Variants in ATRNL1 observed in about 807,000 individuals in gnomAD.
The protein encoded by ATRNL1 is attractin like 1.
A neutral mutation model predicts 182.7 loss-of-function variants in ATRNL1; 95 were observed. That is an observed-to-expected ratio of 0.52 (90% CI 0.44 to 0.62). The LOEUF (loss-of-function observed/expected upper bound fraction) is 0.62. ATRNL1 is among the 20% of genes least tolerant of loss of function. The pLI is 0.00. For synonymous variants in ATRNL1, 576 were observed against 568.3 expected (o/e 1.01, Z -0.19); for missense variants, 1,471 against 1,679.5 (o/e 0.88, Z 2.17).
chr10:115,396,338 C>A (rs1236068534), intron 20 of ATRNL1, among the ~76,000 whole-genome samples: 4 of 151,904 alleles, frequency 2.6e-5, no homozygotes, highest in Non-Finnish European at 5.9e-5. Context: ...TACTTTGCAA[C>A]ACTAAAGCTT....
At chr10:115,762,289 C>G (rs11197438) in intron 27 of ATRNL1, among the ~76,000 whole-genome samples, 69,897 of 151,884 alleles carry the variant, frequency 0.46, 17,740 homozygotes, top group East Asian at 0.68. Flanking sequence ...GCTCAGACTG[C>G]ACTGATGACT....
At chr10:115,265,402 C>T in intron 11 of ATRNL1, 125 bp downstream of exon 11, 1 of 554,996 alleles carries the variant, frequency 1.8e-6, no homozygotes, top group Middle Eastern at 3.5e-4. Flanking sequence ...TGCATCTCTT[C>T]TCTACCATAG....
At chr10:115,830,765 A>G (rs1555093384) in intron 27 of ATRNL1, among the ~76,000 whole-genome samples, 1 of 152,150 alleles carries the variant, frequency 6.6e-6, no homozygotes. Flanking sequence ...GGGAACCTCA[A>G]CCAAAGCTCA....
intron 8 of ATRNL1, among the ~76,000 whole-genome samples, chr10:115,203,821 T>C (rs1848696881): frequency 6.8e-6 from 1 of 146,738 alleles, no homozygotes. Context: ...GCTCTTGAAC[T>C]CCTGGCCCCA....
intron 27 of ATRNL1, among the ~76,000 whole-genome samples, chr10:115,759,695 A>G (rs1306663206): frequency 6.7e-6 from 1 of 149,910 alleles, no homozygotes; most frequent in Non-Finnish European, 1.5e-5. Context: ...TTTTTTTTTA[A>G]GATGGAATCT....
At chr10:115,537,122 A>T (rs1288012685) in intron 25 of ATRNL1, among the ~76,000 whole-genome samples, 1 of 152,224 alleles carries the variant, frequency 6.6e-6, no homozygotes, top group Non-Finnish European at 1.5e-5. Flanking sequence ...AATACAGTAG[A>T]TACTTAGGAC....
intron 26 of ATRNL1, among the ~76,000 whole-genome samples, chr10:115,700,219 G>C (rs1946689139): frequency 6.6e-6 from 1 of 151,740 alleles, no homozygotes; most frequent in Non-Finnish European, 1.5e-5. Context: ...TGGGATTGCT[G>C]GGTCAAATTG....
intron 27 of ATRNL1, among the ~76,000 whole-genome samples, chr10:115,802,377 C>T (rs1395760640): frequency 6.6e-6 from 1 of 152,044 alleles, no homozygotes; most frequent in Non-Finnish European, 1.5e-5. Context: ...ATCCATATGT[C>T]CATCATACTT....
chr10:115,388,173 GT>G (rs1843770157), intron 19 of ATRNL1, among the ~76,000 whole-genome samples: 1 of 152,138 alleles, frequency 6.6e-6, no homozygotes, highest in South Asian at 2.1e-4. Flanking sequence ...GCCTTTTACA[GT>G]TTTTCATATT....
rs111842588 is a variant in ATRNL1, at chr10:115,460,413, TA to T, written c.3323-1517del. Reference sequence around the variant, plus strand: ...TTTTTGCTTGGTCTTAGGAAAAAATTAAAAAAAAAAATAAAACTTTGCCTTT... The same window carrying T: ...TTTTTGCTTGGTCTTAGGAAAAAATTAAAAAAAAAATAAAACTTTGCCTTT... On this transcript the variant is annotated intron_variant, in intron 21 of 28. Coordinates refer to ENST00000355044, the MANE Select transcript of ATRNL1 (RefSeq NM_207303.4). Among the ~76,000 whole-genome samples, 518 of 148,870 alleles carry T rather than the reference TA, an allele frequency of 3.5e-3. 3 individuals are homozygous for T. Among genetic ancestry groups the T allele is most frequent in the African/African-American group, 0.012 (493 of 40,432 alleles).
intron 27 of ATRNL1, among the ~76,000 whole-genome samples, chr10:115,836,866 G>A (rs892375064): frequency 6.6e-6 from 1 of 152,100 alleles, no homozygotes; most frequent in Admixed American, 6.6e-5. Context: ...TTGTGCTGTG[G>A]ATCTTTTAAT....
At position 115,359,558 on chromosome 10, in the gene ATRNL1, T is replaced by G. The variant is rs540834910; in HGVS notation, c.3175+25139T>G. Among the ~76,000 whole-genome samples, 35 of 151,660 alleles carry G rather than the reference T, an allele frequency of 2.3e-4. 1 individual carries two copies. In the South Asian group the frequency reaches 6.8e-3, roughly 30 times the overall value. On this transcript the variant is annotated intron_variant, in intron 19 of 28. Transcript: ENST00000355044. ...TGGCAGTTCCAATGTATGTATTATATTTGCTCTGAATGAGAATTGGTTTTA... is the reference window on the plus strand; with the variant it reads ...TGGCAGTTCCAATGTATGTATTATAGTTGCTCTGAATGAGAATTGGTTTTA...
At chr10:115,721,318 A>T (rs1346629469) in intron 26 of ATRNL1, among the ~76,000 whole-genome samples, 1 of 152,210 alleles carries the variant, frequency 6.6e-6, no homozygotes, top group African/African-American at 2.4e-5. Flanking sequence ...TTTGATACGC[A>T]TAGTCATGCT....
chr10:115,865,207 T>C (rs1029489392), intron 28 of ATRNL1, among the ~76,000 whole-genome samples: 3 of 152,178 alleles, frequency 2.0e-5, no homozygotes, highest in Middle Eastern at 3.2e-3. Context: ...AAATAGGGTT[T>C]GTTGATTACT....
In ATRNL1 at chr10:115,681,669, C is replaced by CT. The variant is rs782286293; in HGVS notation, c.3796-45578dup. On this transcript the variant is annotated intron_variant, in intron 26 of 28. Transcript: ENST00000355044. ...TCAGTAGTTATCATGTCATAATCAA[C>CT]TGAGGGGAATTCTTCAAGCTACATA... Among the ~76,000 whole-genome samples, 19 of 152,230 alleles carry CT rather than the reference C, an allele frequency of 1.2e-4. No homozygotes were observed. The East Asian group carries it at 3.7e-3, about 30-fold the overall frequency.
At chr10:115,878,794 A>G (rs1951756068) in intron 28 of ATRNL1, among the ~76,000 whole-genome samples, 1 of 152,202 alleles carries the variant, frequency 6.6e-6, no homozygotes. Flanking sequence ...TAAATGAGGC[A>G]TACAAGTAGC....
At position 115,677,708 on chromosome 10, in the gene ATRNL1, G is replaced by A. The variant is rs140066238; in HGVS notation, c.3796-49540G>A. On this transcript the variant is annotated intron_variant, in intron 26 of 28. Transcript: ENST00000355044. ...TAAACCTCTTTTTCTTTCCAGTCTC[G>A]GATATGTCTTTATCAGCAACGTGAA... is the stretch of plus-strand genomic sequence containing the variant. Among the ~76,000 whole-genome samples the A allele has an allele frequency of 8.6e-5, 13 of 151,988 alleles. No homozygotes were observed. In the South Asian group the frequency reaches 1.5e-3, roughly 17 times the overall value.
intron 27 of ATRNL1, among the ~76,000 whole-genome samples, chr10:115,746,124 C>A (rs538469812): frequency 6.6e-6 from 1 of 152,028 alleles, no homozygotes; most frequent in African/African-American, 2.4e-5. Context: ...CACTCAACTT[C>A]GAGAACTGCT....
At chr10:115,738,139 T>G (rs1464012200) in intron 27 of ATRNL1, among the ~76,000 whole-genome samples, 1 of 101,362 alleles carries the variant, frequency 9.9e-6, no homozygotes, top group Non-Finnish European at 2.1e-5. Context: ...TTTTTTTTTT[T>G]TTTTTTTTTT....
Sources: allele counts gnomAD v4.1 joint callset (sites outside exome capture counted in the v4.1 genomes callset), GRCh38; gene constraint gnomAD v4.1.1; transcripts MANE v1.5; gene names NCBI Gene and HGNC (gene_info 2026-07-23, HGNC 2026-07-21).